Variants in PKHD1L1 observed in about 807,000 individuals in gnomAD.
The protein encoded by PKHD1L1 is fibrocystin-L.
In PKHD1L1, 434 loss-of-function variants were observed where a neutral mutation model predicts 462.9. The ratio of observed to expected loss-of-function variants is 0.94; its 90% CI spans 0.87 to 1.02. PKHD1L1 has a LOEUF of 1.02. PKHD1L1 is among the 50% of genes least tolerant of loss of function. The pLI is 0.00. For synonymous variants in PKHD1L1, 1,781 were observed against 1,750.0 expected (o/e 1.02, Z -0.44); for missense variants, 5,202 against 5,096.1 (o/e 1.02, Z -0.63).
At chr8:109,396,232 C>A in intron 11 of PKHD1L1, 95 bp downstream of exon 11, 1 of 881,888 alleles carries the variant, frequency 1.1e-6, no homozygotes, top group Non-Finnish European at 1.8e-6. Flanking sequence ...TTTCTCAACT[C>A]ATGCCTTCAA....
intron 71 of PKHD1L1, among the ~76,000 whole-genome samples, chr8:109,514,615 A>T (rs1820169005): frequency 6.6e-6 from 1 of 152,186 alleles, no homozygotes; most frequent in African/African-American, 2.4e-5. Flanking sequence ...TAAGCTCCAT[A>T]TTAATCCTTC....
chr8:109,383,950 C>A, intron 4 of PKHD1L1, 120 bp from the exon 5 acceptor site: 2 of 736,522 alleles, frequency 2.7e-6, no homozygotes, highest in Non-Finnish European at 4.7e-6. Flanking sequence ...TATCTTCTTT[C>A]CTACATGACA....
rs753700724 is a variant in PKHD1L1, at chr8:109,408,214, G to T, written c.1971+8G>T. On this transcript the variant is annotated splice_region_variant and intron_variant, in intron 18 of 77. Coordinates refer to ENST00000378402, the MANE Select transcript of PKHD1L1 (RefSeq NM_177531.6). ...TGGTCATCAGAAGCTGAAGTACGGTGTAGGAATGTTTCTACCACGCATTTT... is the reference window on the plus strand; with the variant it reads ...TGGTCATCAGAAGCTGAAGTACGGTTTAGGAATGTTTCTACCACGCATTTT... 4 of 1,607,142 alleles carry T rather than the reference G, an allele frequency of 2.5e-6. No individual in the cohort carries two copies. In the South Asian group the frequency reaches 4.4e-5, roughly 18 times the overall value.
intron 72 of PKHD1L1, among the ~76,000 whole-genome samples, chr8:109,516,006 T>C (rs559487495): frequency 6.6e-6 from 1 of 152,264 alleles, no homozygotes; most frequent in South Asian, 2.1e-4. Flanking sequence ...CTTGAAAATA[T>C]GAATGGGTAA....
chr8:109,449,317 C>G (rs575881154), intron 39 of PKHD1L1, 21 bp from the exon 40 acceptor site: 1 of 1,540,186 alleles, frequency 6.5e-7, no homozygotes, highest in Non-Finnish European at 8.7e-7. Flanking sequence ...TTTGTTTTTC[C>G]TTTTTATTTG....
chr8:109,371,340 T>G, intron 2 of PKHD1L1, among the ~76,000 whole-genome samples: 1 of 152,150 alleles, frequency 6.6e-6, no homozygotes, highest in African/African-American at 2.4e-5. Context: ...TGCCCACTTT[T>G]TGATGGGGTT....
intron 2 of PKHD1L1, among the ~76,000 whole-genome samples, chr8:109,372,541 A>G (rs373156493): frequency 6.6e-6 from 1 of 152,134 alleles, no homozygotes; most frequent in Non-Finnish European, 1.5e-5. Context: ...CCAACACTAT[A>G]TTGAATAGGA....
At chr8:109,419,709 T>C (rs912293081) in intron 22 of PKHD1L1, among the ~76,000 whole-genome samples, 4 of 152,116 alleles carry the variant, frequency 2.6e-5, no homozygotes, top group African/African-American at 7.2e-5. Flanking sequence ...ATTTCAATAG[T>C]GTTAGCATTG....
chr8:109,486,567 T>G, intron 58 of PKHD1L1, 81 bp from the exon 59 acceptor site: 1 of 1,377,362 alleles, frequency 7.3e-7, no homozygotes, highest in Middle Eastern at 1.9e-4. Flanking sequence ...AGAAGGCTGT[T>G]TAGCATATAA....
chr8:109,392,578 T>C (rs1812764092), intron 9 of PKHD1L1, among the ~76,000 whole-genome samples: 1 of 152,108 alleles, frequency 6.6e-6, no homozygotes, highest in South Asian at 2.1e-4. Flanking sequence ...CTGTATAAAG[T>C]ATTCTTATGA....
chr8:109,481,430 C>A lies in PKHD1L1; in HGVS notation c.9328-3C>A. On this transcript the variant is annotated splice_region_variant and splice_polypyrimidine_tract_variant and intron_variant, in intron 55 of 77. Transcript: ENST00000378402. Reference sequence around the variant, plus strand: ...GTATTAACAATTTTCTGCTTCATTTCAGGGAGGTAGATTAATCGGTGGCTG... The same window carrying A: ...GTATTAACAATTTTCTGCTTCATTTAAGGGAGGTAGATTAATCGGTGGCTG... 1.3e-6 allele frequency: 2 copies of A among 1,582,588 alleles called. No individual in the cohort carries two copies. The highest frequency in any genetic ancestry group is 1.7e-6 in the Non-Finnish European group (2 of 1,166,130).
Position 109,433,198 on chromosome 8 carries a change from T to A in PKHD1L1, c.3322T>A (p.Ser1108Thr). 2 of 1,612,040 alleles carry A rather than the reference T, an allele frequency of 1.2e-6. No individual in the cohort carries two copies. Among genetic ancestry groups the A allele is most frequent in the Non-Finnish European group, 1.7e-6 (2 of 1,178,446 alleles). The change falls in exon 28 of 78, where the codon TCT becomes ACT. Residue 1108 changes from serine (S) to threonine (T), a missense_variant. By Grantham distance (58) the Ser-to-Thr change is moderately conservative. This residue lies in a region of PKHD1L1 where 4,497 missense variants were observed against 4,336.8 expected (regional missense o/e 1.04). Transcript: ENST00000378402. ...VTVSVGPVGC[S>T]LLSVDEKELK... ...AGTCTCAGTTGGACCAGTAGGTTGT[T>A]CTCTTCTTTCTGTGGATGGTAGGTC...
At chr8:109,426,045 T>G (rs774437088) in intron 24 of PKHD1L1, among the ~76,000 whole-genome samples, 15 of 152,160 alleles carry the variant, frequency 9.9e-5, no homozygotes, top group Non-Finnish European at 1.9e-4. Flanking sequence ...TTTAGTAGTA[T>G]TTCTCTTATA....
Position 109,488,783 on chromosome 8 carries a change from C to T in PKHD1L1, c.9881-1169C>T, listed in dbSNP as rs190642660. Reference sequence around the variant, plus strand: ...CTGATAATGATGGTGATGGTAATGACGAACATGACACAAGATCACAGGCAC... The same window carrying T: ...CTGATAATGATGGTGATGGTAATGATGAACATGACACAAGATCACAGGCAC... On this transcript the variant is annotated intron_variant, in intron 59 of 77. Coordinates refer to ENST00000378402, the MANE Select transcript of PKHD1L1 (RefSeq NM_177531.6). Among the ~76,000 whole-genome samples, 560 of 151,980 alleles carry T rather than the reference C, an allele frequency of 3.7e-3. 3 individuals are homozygous for T. The highest frequency in any genetic ancestry group is 5.1e-3 in the Non-Finnish European group (345 of 67,920).
intron 4 of PKHD1L1, among the ~76,000 whole-genome samples, chr8:109,383,146 AT>A (rs1563723727): frequency 4.3e-5 from 3 of 70,054 alleles, no homozygotes; most frequent in South Asian, 1.1e-3. Flanking sequence ...TATTGTATAT[AT>A]TATATATATT....
chr8:109,466,541 T>C, intron 49 of PKHD1L1, 37 bp from the exon 50 acceptor site: 7 of 1,517,458 alleles, frequency 4.6e-6, no homozygotes, highest in Non-Finnish European at 6.2e-6. Flanking sequence ...TTTCTTAATG[T>C]GAAATAAAAA....
intron 23 of PKHD1L1, among the ~76,000 whole-genome samples, chr8:109,421,731 C>T (rs1027812965): frequency 6.6e-6 from 1 of 152,104 alleles, no homozygotes; most frequent in Admixed American, 6.5e-5. Context: ...TTGCAGTGAG[C>T]GGAGATCGCG....
At chr8:109,492,821 C>A (rs1425399175) in intron 62 of PKHD1L1, among the ~76,000 whole-genome samples, 1 of 151,718 alleles carries the variant, frequency 6.6e-6, no homozygotes, top group African/African-American at 2.4e-5. Context: ...GACTGTTTTG[C>A]TGACACCATA....
intron 32 of PKHD1L1, among the ~76,000 whole-genome samples, chr8:109,440,440 T>C (rs1815713538): frequency 6.6e-6 from 1 of 152,098 alleles, no homozygotes; most frequent in Non-Finnish European, 1.5e-5. Context: ...CATAAGCATA[T>C]TTTTCCATAA....
Sources: gnomAD v4.1 joint callset for allele counts (sites outside exome capture counted in the v4.1 genomes callset) on GRCh38, gnomAD v4.1.1 for gene constraint, gnomAD v4.1.1 regional missense constraint, MANE v1.5 for transcripts, NCBI Gene and HGNC (gene_info 2026-07-23, HGNC 2026-07-21) for gene names.